Variants in FIBCD1 observed in about 807,000 individuals in gnomAD.
The protein encoded by FIBCD1 is fibrinogen C domain containing 1.
A neutral mutation model predicts 45.1 loss-of-function variants in FIBCD1; 47 were observed. The observed-to-expected ratio is 1.04, with a 90% CI of 0.82 to 1.33. The LOEUF is 1.33. Among genes scored for constraint, FIBCD1 ranks in the 40% most tolerant of loss-of-function variants. The pLI, the probability that FIBCD1 is intolerant of heterozygous loss-of-function variation, is 0.00. For synonymous variants in FIBCD1, 313 were observed against 308.1 expected (o/e 1.02, Z -0.17); for missense variants, 653 against 682.2 (o/e 0.96, Z 0.48).
intron 5 of FIBCD1, among the ~76,000 whole-genome samples, chr9:130,911,349 C>T (rs1299289300): frequency 1.3e-5 from 2 of 152,330 alleles, no homozygotes; most frequent in African/African-American, 4.8e-5. Context: ...CCCACCAATT[C>T]TGGACACACT....
At position 130,917,383 on chromosome 9, in the gene FIBCD1, A is replaced by G. The variant is rs892279380; in HGVS notation, c.850-5495T>C. ...GCTTAGAGGGGCTCTGCCAAGGGAGAGCTGGGCCCACATGGTCCTGCAGAT... is the reference window on the plus strand; with the variant it reads ...GCTTAGAGGGGCTCTGCCAAGGGAGGGCTGGGCCCACATGGTCCTGCAGAT... On this transcript the variant is annotated intron_variant, in intron 4 of 6. Coordinates refer to ENST00000372338, the MANE Select transcript of FIBCD1 (RefSeq NM_032843.5). Among the ~76,000 whole-genome samples the G allele has an allele frequency of 7.9e-5, 12 of 152,258 alleles. 1 individual carries two copies. The highest frequency in any genetic ancestry group is 2.1e-4 in the South Asian group (1 of 4,816).
rs1297372510 is a variant in FIBCD1, at chr9:130,929,718, T to C, written c.401A>G (p.Gln134Arg). 2 of 1,595,812 alleles carry C rather than the reference T, an allele frequency of 1.3e-6. No homozygotes were observed. Among genetic ancestry groups the C allele is most frequent in the Admixed American group, 3.4e-5 (2 of 58,044 alleles). Reference sequence around the variant, plus strand: ...GTCGGCCAGCGTGTCCAGCAGCTCCTGCTCCTGGTCGCCCACCAGCCGTGG... The same window carrying C: ...GTCGGCCAGCGTGTCCAGCAGCTCCCGCTCCTGGTCGCCCACCAGCCGTGG... ...AQPRLVGDQE[Q>R]ELLDTLADQL... The change falls in exon 2 of 7, where the codon CAG becomes CGG. Residue 134 changes from glutamine to arginine, a missense_variant. By Grantham distance (43) the Gln-to-Arg change is conservative. Coordinates refer to ENST00000372338, the MANE Select transcript of FIBCD1 (RefSeq NM_032843.5).
In FIBCD1 at chr9:130,929,900, G is replaced by A; in HGVS notation, c.219C>T (p.Ala73=). The stretch of plus-strand genomic sequence containing the variant: ...CAGTGACCAGGGCGCTGTTGGCGCT[G>A]GCAGCCCCAGTGCTGACGACAGGTG... ...APPPVVSTGA[A]SANSALVTVE... is the part of the protein sequence containing the mutation. Residue 73 remains alanine (A), a synonymous_variant, in exon 2 of 7, where the codon GCC becomes GCT. Coordinates refer to ENST00000372338, the MANE Select transcript of FIBCD1 (RefSeq NM_032843.5). 2 of 1,549,470 alleles carry A rather than the reference G, an allele frequency of 1.3e-6. No individual in the cohort carries two copies. Among genetic ancestry groups the A allele is most frequent in the Non-Finnish European group, 1.7e-6 (2 of 1,146,554 alleles).
intron 4 of FIBCD1, among the ~76,000 whole-genome samples, chr9:130,913,905 T>C (rs1832110866): frequency 6.6e-6 from 1 of 152,026 alleles, no homozygotes; most frequent in Non-Finnish European, 1.5e-5. Context: ...CTGGGCATGC[T>C]CAGTGGTGAA....
intron 4 of FIBCD1, among the ~76,000 whole-genome samples, chr9:130,913,750 AG>A (rs1751524643): frequency 6.6e-6 from 1 of 152,180 alleles, no homozygotes; most frequent in African/African-American, 2.4e-5. Flanking sequence ...GCAGAAGCTC[AG>A]GCACTCCCCT....
In FIBCD1 at chr9:130,926,449, C is replaced by A. The variant is rs905567398; in HGVS notation, c.553-2053G>T. Among the ~76,000 whole-genome samples the A allele has an allele frequency of 6.6e-6, 1 of 152,190 alleles. No individual in the cohort carries two copies. The highest frequency in any genetic ancestry group is 1.5e-5 in the Non-Finnish European group (1 of 68,032). ...GCGGTAGTGGTGTCAGAGCTGCTGT[C>A]CCCGGCACTGCTTAGCTGTGTGAGT... is the stretch of plus-strand genomic sequence containing the variant. On this transcript the variant is annotated intron_variant, in intron 2 of 6. Coordinates refer to ENST00000372338, the MANE Select transcript of FIBCD1 (RefSeq NM_032843.5). This position sits in a 1 kb window ranked among gnomAD's most constrained non-coding sequence, Gnocchi z 4.1.
chr9:130,940,324 C>T (rs916187187), upstream of FIBCD1, among the ~76,000 whole-genome samples: 6 of 152,384 alleles, frequency 3.9e-5, no homozygotes, highest in Admixed American at 1.3e-4. Flanking sequence ...TCCCCAGCCG[C>T]CTTTTCCTTC....
intron 5 of FIBCD1, among the ~76,000 whole-genome samples, chr9:130,908,488 C>A (rs1421931975): frequency 6.6e-6 from 1 of 152,218 alleles, no homozygotes; most frequent in Admixed American, 6.5e-5. Flanking sequence ...GCAGGGTCTC[C>A]CCATCTCCCC....
At chr9:130,930,401 GA>G (rs1832429570) in intron 1 of FIBCD1, among the ~76,000 whole-genome samples, 1 of 151,320 alleles carries the variant, frequency 6.6e-6, no homozygotes, top group East Asian at 1.9e-4. Context: ...GACATGGGGA[GA>G]TGCGGGGAGA....
Position 130,912,179 on chromosome 9 carries a change from G to A in FIBCD1, c.850-291C>T, listed in dbSNP as rs1006839373. Among the ~76,000 whole-genome samples the A allele has an allele frequency of 5.3e-5, 8 of 152,152 alleles. No homozygotes were observed. In the South Asian group the frequency reaches 6.2e-4, roughly 12 times the overall value. Reference sequence around the variant, plus strand: ...AGGCCGGGCATGGTGGCTCATGCCCGGAATCCCAGCAAGGAAGGCTGAGCC... The same window carrying A: ...AGGCCGGGCATGGTGGCTCATGCCCAGAATCCCAGCAAGGAAGGCTGAGCC... On this transcript the variant is annotated intron_variant, in intron 4 of 6. Transcript: ENST00000372338.
intron 2 of FIBCD1, among the ~76,000 whole-genome samples, chr9:130,927,380 C>T (rs780079099): frequency 3.9e-5 from 6 of 152,212 alleles, no homozygotes; most frequent in African/African-American, 7.2e-5. Context: ...GTATCCCCCA[C>T]GTGACAGAGC....
intron 4 of FIBCD1, among the ~76,000 whole-genome samples, chr9:130,921,921 T>C (rs996802675): frequency 1.3e-5 from 2 of 152,358 alleles, no homozygotes; most frequent in Admixed American, 1.3e-4. Flanking sequence ...GGGATTCTCA[T>C]CTGCGCACGC....
At chr9:130,920,168 C>T (rs1006059526) in intron 4 of FIBCD1, among the ~76,000 whole-genome samples, 15 of 152,014 alleles carry the variant, frequency 9.9e-5, no homozygotes, top group South Asian at 2.1e-4. Context: ...CAGCCAGGGG[C>T]GCTGGGGGTG....
At chr9:130,934,934 C>T (rs1364637820) in intron 1 of FIBCD1, among the ~76,000 whole-genome samples, 1 of 152,088 alleles carries the variant, frequency 6.6e-6, no homozygotes, top group Non-Finnish European at 1.5e-5. Flanking sequence ...AACCCAAACC[C>T]CAGGGAACAA....
At chr9:130,924,465 G>C (rs974432704) in intron 2 of FIBCD1, 69 bp from the exon 3 acceptor site, 4 of 1,447,096 alleles carry the variant, frequency 2.8e-6, no homozygotes, top group Non-Finnish European at 3.7e-6. Context: ...CACATAGCAG[G>C]TCACTGGCCA....
At position 130,923,295 on chromosome 9, in the gene FIBCD1, T is replaced by TG. The variant is rs548276236; in HGVS notation, c.849+448dup. Among the ~76,000 whole-genome samples the TG allele has an allele frequency of 3.4e-3, 513 of 152,216 alleles. 5 individuals are homozygous for TG. The highest frequency in any genetic ancestry group is 0.012 in the African/African-American group (496 of 41,514). On this transcript the variant is annotated intron_variant, in intron 4 of 6. Coordinates refer to ENST00000372338, the MANE Select transcript of FIBCD1 (RefSeq NM_032843.5). Reference sequence around the variant, plus strand: ...GACAGCACTTGTCAGCCCATAGCTGTGGGGGGTCTCTGCTCCTCCAGCCAC... The same window carrying TG: ...GACAGCACTTGTCAGCCCATAGCTGTGGGGGGGTCTCTGCTCCTCCAGCCAC...
chr9:130,909,899 C>T (rs1055693631), intron 5 of FIBCD1, among the ~76,000 whole-genome samples: 1 of 152,230 alleles, frequency 6.6e-6, no homozygotes, highest in Non-Finnish European at 1.5e-5. Flanking sequence ...GGCAGGAAGG[C>T]GTGCGGTTGC....
chr9:130,927,615 G>A (rs1832381383), intron 2 of FIBCD1, among the ~76,000 whole-genome samples: 1 of 152,208 alleles, frequency 6.6e-6, no homozygotes, highest in Admixed American at 6.5e-5. Context: ...GACTACACAT[G>A]AGAATCAACC....
At chr9:130,937,496 T>C (rs918197428) in intron 1 of FIBCD1, among the ~76,000 whole-genome samples, 1 of 152,124 alleles carries the variant, frequency 6.6e-6, no homozygotes, top group Non-Finnish European at 1.5e-5. Context: ...CACGGCAGTG[T>C]CACACCAGGA....
Sources: gnomAD v4.1 joint callset for allele counts (sites outside exome capture counted in the v4.1 genomes callset) on GRCh38, gnomAD v4.1.1 for gene constraint, Gnocchi (gnomAD v3.1) non-coding constraint, MANE v1.5 for transcripts, NCBI Gene and HGNC (gene_info 2026-07-23, HGNC 2026-07-21) for gene names.